Variants in LRRTM3 observed in about 807,000 individuals in gnomAD.
LRRTM3 encodes the protein leucine-rich repeat transmembrane neuronal protein 3.
In LRRTM3, 24 loss-of-function variants were observed where a neutral mutation model predicts 44.7. The observed-to-expected ratio is 0.54, with a 90% CI of 0.39 to 0.76. The LOEUF (loss-of-function observed/expected upper bound fraction) is 0.76. Ranked by LOEUF, LRRTM3 falls within the 30% of genes least tolerant of loss-of-function variation. The pLI is 0.00. For synonymous variants in LRRTM3, 277 were observed against 278.7 expected, an observed-to-expected ratio of 0.99 and a Z score of 0.06; for missense variants, 587 against 702.2, an observed-to-expected ratio of 0.84 and a Z score of 1.85.
intron 2 of LRRTM3, among the ~76,000 whole-genome samples, chr10:67,078,519 A>T (rs7919830): frequency 0.61 from 91,557 of 150,662 alleles, 28,456 homozygotes; most frequent in African/African-American, 0.78. Flanking sequence ...TACCTTTTTT[A>T]TTATTATTAT....
chr10:67,055,981 G>C (rs1475445984), intron 2 of LRRTM3, among the ~76,000 whole-genome samples: 1 of 151,996 alleles, frequency 6.6e-6, no homozygotes, highest in African/African-American at 2.4e-5. Flanking sequence ...GCATAATACT[G>C]TACTCTTGCC....
chr10:66,997,313 T>G (rs371568870), intron 2 of LRRTM3, among the ~76,000 whole-genome samples: 1 of 152,216 alleles, frequency 6.6e-6, no homozygotes, highest in East Asian at 1.9e-4. Flanking sequence ...TGATACAATC[T>G]GAGCAGGAAA....
At chr10:66,956,530 G>A (rs1848800985) in intron 2 of LRRTM3, among the ~76,000 whole-genome samples, 1 of 152,106 alleles carries the variant, frequency 6.6e-6, no homozygotes, top group Admixed American at 6.6e-5. Flanking sequence ...TTAGCAAGGA[G>A]GAGGCAAGCT....
chr10:67,049,753 C>T (rs755777216), intron 2 of LRRTM3, among the ~76,000 whole-genome samples: 4 of 152,190 alleles, frequency 2.6e-5, no homozygotes, highest in Non-Finnish European at 5.9e-5. Flanking sequence ...ACAAAAATTA[C>T]TACTGCACAG....
In LRRTM3 at chr10:66,927,250, A is replaced by C. The variant is rs749668716; in HGVS notation, c.334A>C (p.Lys112Gln). The C allele has an allele frequency of 1.2e-6, 2 of 1,614,160 alleles. No homozygotes were observed. Residue 112 changes from lysine (K) to glutamine (Q), a missense_variant, in exon 2 of 3, where the codon AAA (lysine) becomes CAA (glutamine). Lys to Gln is a moderately conservative substitution (Grantham distance 53). Coordinates refer to ENST00000361320, the MANE Select transcript of LRRTM3 (RefSeq NM_178011.5). This position sits in a 1 kb window ranked among gnomAD's most constrained non-coding sequence, Gnocchi z 4.7. Reference protein sequence around the residue: ...ENAFNGIRRLKELILSSNRIS... With the variant: ...ENAFNGIRRLQELILSSNRIS... ...TGCTTTTAATGGAATACGCAGACTC[A>C]AAGAGCTGATTCTTAGTTCCAATAG...
intron 2 of LRRTM3, among the ~76,000 whole-genome samples, chr10:66,935,528 TA>T (rs929847668): frequency 1.3e-5 from 2 of 152,028 alleles, no homozygotes; most frequent in Non-Finnish European, 2.9e-5. Flanking sequence ...ATCACTGAAT[TA>T]TGATTAAAAT....
chr10:67,084,803 A>G (rs993564263), intron 2 of LRRTM3, among the ~76,000 whole-genome samples: 5 of 151,994 alleles, frequency 3.3e-5, no homozygotes, highest in Non-Finnish European at 7.4e-5. Context: ...CTACGTTTAT[A>G]AATTAAGGTT....
At position 67,030,645 on chromosome 10, in the gene LRRTM3, T is replaced by C. The variant is rs368595416; in HGVS notation, c.1537-66942T>C. The stretch of plus-strand genomic sequence containing the variant: ...TTATGTAGATCAATATATTTGTTTA[T>C]CACCATTATTATTTCTCCATAGAGA... On this transcript the variant is annotated intron_variant, in intron 2 of 2. Transcript: ENST00000361320. Among the ~76,000 whole-genome samples, 11 of 152,286 alleles carry C rather than the reference T, an allele frequency of 7.2e-5. No homozygotes were observed. In the South Asian group the frequency reaches 2.3e-3, roughly 32 times the overall value.
chr10:67,066,146 C>T (rs182511006), intron 2 of LRRTM3, among the ~76,000 whole-genome samples: 216 of 150,636 alleles, frequency 1.4e-3, no homozygotes, highest in Middle Eastern at 3.6e-3. Context: ...ATACCATCAC[C>T]AGTGCTCGTT....
chr10:66,933,106 G>A (rs961582550), intron 2 of LRRTM3, among the ~76,000 whole-genome samples: 3 of 152,168 alleles, frequency 2.0e-5, no homozygotes, highest in African/African-American at 7.2e-5. Flanking sequence ...TTTTCAAAAA[G>A]CCCTTAGTGA....
chr10:66,958,836 G>A (rs1848971536), intron 2 of LRRTM3, among the ~76,000 whole-genome samples: 1 of 152,116 alleles, frequency 6.6e-6, no homozygotes, highest in Non-Finnish European at 1.5e-5. Context: ...TTAAAATGGG[G>A]AGAGCTAAGG....
chr10:66,950,743 A>G (rs982141257), intron 2 of LRRTM3, among the ~76,000 whole-genome samples: 2 of 152,214 alleles, frequency 1.3e-5, no homozygotes, highest in African/African-American at 4.8e-5. Context: ...ACATTTATTC[A>G]GCTGCAACTA....
intron 2 of LRRTM3, among the ~76,000 whole-genome samples, chr10:66,960,304 T>C (rs1228684440): frequency 2.6e-5 from 4 of 152,170 alleles, no homozygotes; most frequent in Non-Finnish European, 5.9e-5. Flanking sequence ...TGGAGCATTT[T>C]TGCATTTCTA....
chr10:66,996,329 T>C (rs1851336126), intron 2 of LRRTM3, among the ~76,000 whole-genome samples: 3 of 152,120 alleles, frequency 2.0e-5, no homozygotes, highest in Non-Finnish European at 4.4e-5. Context: ...CATTAATATA[T>C]CTCAAAGATA....
intron 2 of LRRTM3, among the ~76,000 whole-genome samples, chr10:66,959,471 G>C (rs1485700299): frequency 1.3e-5 from 2 of 152,110 alleles, no homozygotes; most frequent in African/African-American, 4.8e-5. Context: ...TGGGCCAAGA[G>C]AACAAAAATA....
intron 2 of LRRTM3, among the ~76,000 whole-genome samples, chr10:66,954,907 T>C (rs774616359): frequency 6.6e-6 from 1 of 152,304 alleles, no homozygotes; most frequent in South Asian, 2.1e-4. Flanking sequence ...TGGCTTGTAA[T>C]GTAATTTTGT....
chr10:67,061,031 T>C (rs1389584629), intron 2 of LRRTM3, among the ~76,000 whole-genome samples: 5 of 152,156 alleles, frequency 3.3e-5, no homozygotes, highest in Admixed American at 2.0e-4. Context: ...AGTGACTCAA[T>C]GAAATTTTAT....
At chr10:67,050,222 C>T (rs1854998975) in intron 2 of LRRTM3, among the ~76,000 whole-genome samples, 1 of 152,184 alleles carries the variant, frequency 6.6e-6, no homozygotes, top group Non-Finnish European at 1.5e-5. Flanking sequence ...AAGAGGAAAG[C>T]ATTATTCCCA....
chr10:67,037,223 G>C lies in LRRTM3; in HGVS notation c.1537-60364G>C, dbSNP rs1459563352. Among the ~76,000 whole-genome samples, 7 of 152,112 alleles carry C rather than the reference G, an allele frequency of 4.6e-5. No homozygotes were observed. The East Asian group carries it at 1.3e-3, about 29-fold the overall frequency. ...TAAATGATGTTTACTTGTAAGTAAT[G>C]TGTCAGTAAGCATCAGCAAAAAATG... On this transcript the variant is annotated intron_variant, in intron 2 of 2. Coordinates refer to ENST00000361320, the MANE Select transcript of LRRTM3 (RefSeq NM_178011.5).
Sources: gnomAD v4.1 joint callset for allele counts (sites outside exome capture counted in the v4.1 genomes callset) on GRCh38, gnomAD v4.1.1 for gene constraint, Gnocchi (gnomAD v3.1) non-coding constraint, MANE v1.5 for transcripts, NCBI Gene and HGNC (gene_info 2026-07-23, HGNC 2026-07-21) for gene names.